TNC: variants seen among roughly 807,000 people sequenced by gnomAD.
TNC encodes the protein tenascin.
TNC carries 109 observed loss-of-function variants against 202.4 expected under a neutral mutation model. The ratio of observed to expected loss-of-function variants is 0.54; its 90% CI spans 0.46 to 0.63. TNC has a LOEUF of 0.63. Among genes scored for constraint, TNC ranks in the 30% least tolerant of loss-of-function variants. The pLI is 0.00. For missense variants in TNC, 2,756 were observed against 2,833.3 expected, an observed-to-expected ratio of 0.97 and a Z score of 0.62; for synonymous variants, 1,007 against 1,089.7, an observed-to-expected ratio of 0.92 and a Z score of 1.50.
chr9:115,026,936 C>G (rs2131565618), intron 25 of TNC, among the ~76,000 whole-genome samples: 1 of 152,098 alleles, frequency 6.6e-6, no homozygotes, highest in Non-Finnish European at 1.5e-5. Flanking sequence ...TGGCGAAACC[C>G]TGTCTCTACT....
chr9:115,076,221 A>T, intron 8 of TNC, 100 bp from the exon 9 acceptor site: 1 of 1,427,402 alleles, frequency 7.0e-7, no homozygotes, highest in Non-Finnish European at 9.9e-7. Flanking sequence ...GGCTACAACA[A>T]ATTTTCGGAA....
At position 115,064,714 on chromosome 9, in the gene TNC, A is replaced by C; in HGVS notation, c.3420T>G (p.Tyr1140Ter). The change falls in exon 11 of 28, where the codon TAT becomes TAG. Residue 1140 changes from tyrosine to a stop codon, truncating the protein, a stop_gained. Coordinates refer to ENST00000350763, the MANE Select transcript of TNC (RefSeq NM_002160.4). LOFTEE classifies it high-confidence loss of function. ...DIPGLKAATP[Y>*]TVSIYGVIQG... ...GGATCACCCCATAGATGGAGACTGT[A>C]TAAGGCGTAGCAGCCTTGAGGCCCG... The C allele has an allele frequency of 6.2e-7, 1 of 1,614,246 alleles. No homozygotes were observed. Among genetic ancestry groups the C allele is most frequent in the Non-Finnish European group, 8.5e-7 (1 of 1,180,040 alleles).
rs1448040351 is a variant in TNC at position 115,064,054 on chromosome 9, A to T, written c.3502T>A (p.Leu1168Met). 3 of 1,606,156 alleles carry T rather than the reference A, an allele frequency of 1.9e-6. No homozygotes were observed. The African/African-American group carries it at 4.0e-5, about 21-fold the overall frequency. Residue 1168 changes from leucine to methionine, a missense_variant, in exon 12 of 28, where the codon TTG becomes ATG. Around this residue, in one of 2 missense-constraint regions of TNC, gnomAD observed 2,559 missense variants for 2,546.0 expected, o/e 1.01. Transcript: ENST00000350763. The part of the protein sequence containing the change: ...AEASTGETPN[L>M]GEVVVAEVGW... ...ACCTCGGCCACCACGACCTCTCCCAAATTGGGAGTTTCCCCTGGAGAAGGA... is the reference window on the plus strand; with the variant it reads ...ACCTCGGCCACCACGACCTCTCCCATATTGGGAGTTTCCCCTGGAGAAGGA...
intron 10 of TNC, among the ~76,000 whole-genome samples, chr9:115,065,608 C>T (rs547445297): frequency 1.1e-4 from 17 of 152,052 alleles, no homozygotes; most frequent in East Asian, 7.8e-4. Flanking sequence ...TTGAGCTGTC[C>T]GACCTTCTGT....
chr9:115,113,626 G>T (rs1177159993), intron 1 of TNC, among the ~76,000 whole-genome samples: 1 of 152,138 alleles, frequency 6.6e-6, no homozygotes, highest in Non-Finnish European at 1.5e-5. Context: ...TTGGTATAGG[G>T]TATTTGAGGA....
At position 115,084,224 on chromosome 9, in the gene TNC, C is replaced by A. The variant is rs201625385; in HGVS notation, c.2116G>T (p.Ala706Ser). Residue 706 changes from alanine to serine, a missense_variant, in exon 4 of 28, where the codon GCC (alanine) becomes TCC (serine). Ala to Ser is a moderately conservative substitution (Grantham distance 99). Around this residue, in one of 2 missense-constraint regions of TNC, gnomAD observed 2,559 missense variants for 2,546.0 expected, o/e 1.01. Transcript: ENST00000350763. ...LENKKSIPVS[A>S]RVATYLPAPE... ...GCTCACTCACACGTGGCCACCCTGG[C>A]GCTGACAGGAATGCTCTTCTTGTTC... is the stretch of plus-strand genomic sequence containing the variant. 5 of 1,613,938 alleles carry A rather than the reference C, an allele frequency of 3.1e-6. No individual in the cohort carries two copies. Among genetic ancestry groups the A allele is most frequent in the Admixed American group, 1.7e-5 (1 of 60,018 alleles).
intron 1 of TNC, 125 bp downstream of exon 1, chr9:115,117,857 C>G (rs1444904223): frequency 6.8e-6 from 1 of 148,010 alleles, no homozygotes; most frequent in Non-Finnish European, 1.5e-5. Flanking sequence ...CCTTTTTTTT[C>G]CAGCGGTGGA....
chr9:115,097,135 G>T lies in TNC; in HGVS notation c.-136-5981C>A, dbSNP rs545602530. The stretch of plus-strand genomic sequence containing the variant: ...CAGTTGCGTGTGGGGGAAAGAGTCT[G>T]GTCTTTGGTGTAAAATAAACCTGTG... On this transcript the variant is annotated intron_variant, in intron 1 of 27. Transcript: ENST00000350763. Among the ~76,000 whole-genome samples the T allele has an allele frequency of 2.0e-5, 3 of 152,084 alleles. No homozygotes were observed. The East Asian group carries it at 5.8e-4, about 29-fold the overall frequency.
At chr9:115,036,381 TGA>T in intron 20 of TNC, 140 bp from the exon 21 acceptor site, 1 of 898,052 alleles carries the variant, frequency 1.1e-6, no homozygotes, top group Non-Finnish European at 1.7e-6. Flanking sequence ...ATTTCTGAAA[TGA>T]CTCACGCTCT....
chr9:115,075,278 G>A (rs1041920962), intron 9 of TNC, among the ~76,000 whole-genome samples: 5 of 152,092 alleles, frequency 3.3e-5, no homozygotes, highest in East Asian at 1.9e-4. Context: ...TACAAGCTGC[G>A]GCTACAGGAT....
At position 115,049,377 on chromosome 9, in the gene TNC, T is replaced by G. The variant is rs1831469735; in HGVS notation, c.4580-845A>C. Among the ~76,000 whole-genome samples the G allele has an allele frequency of 1.3e-5, 2 of 152,134 alleles. 1 individual carries two copies. The highest frequency in any genetic ancestry group is 4.1e-4 in the South Asian group (2 of 4,826). ...ACAAGGCTTCACATTGTTATCCTAG[T>G]TAGTCTTCAAAATGATACAGTAAGG... On this transcript the variant is annotated intron_variant, in intron 15 of 27. Coordinates refer to ENST00000350763, the MANE Select transcript of TNC (RefSeq NM_002160.4).
At chr9:115,036,056 C>A in intron 21 of TNC, 42 bp downstream of exon 21, 1 of 1,608,326 alleles carries the variant, frequency 6.2e-7, no homozygotes, top group South Asian at 1.1e-5. Flanking sequence ...TGTGGGTGGG[C>A]ACCCCAGAAG....
chr9:115,057,593 A>G (rs1832235254), intron 14 of TNC, among the ~76,000 whole-genome samples, 168 bp from the exon 15 acceptor site: 1 of 152,272 alleles, frequency 6.6e-6, no homozygotes, highest in Non-Finnish European at 1.5e-5. Flanking sequence ...AAAGGGAGAG[A>G]AAAAGCAGTT....
At chr9:115,044,210 A>C (rs534819288) in intron 17 of TNC, among the ~76,000 whole-genome samples, 2 of 151,886 alleles carry the variant, frequency 1.3e-5, no homozygotes, top group East Asian at 1.9e-4. Flanking sequence ...AGGACATTAC[A>C]GAGAAGAGTT....
intron 1 of TNC, among the ~76,000 whole-genome samples, chr9:115,111,385 TTC>T (rs766678704): frequency 2.2e-5 from 3 of 135,848 alleles, no homozygotes; most frequent in South Asian, 2.5e-4. Context: ...CTTATAGACT[TTC>T]TCTCTCTCTC....
rs1213489094 is a variant in TNC, at chr9:115,086,346, C to T, written c.1385G>A (p.Gly462Asp). Residue 462 changes from glycine (G) to aspartate (D), a missense_variant, in exon 3 of 28, where the codon GGC becomes GAC. Transcript: ENST00000350763. Reference protein sequence around the residue: ...GKCVCEQGFKGYDCSDMSCPN... With the variant: ...GKCVCEQGFKDYDCSDMSCPN... ...GCAGCTCATGTCACTGCAGTCATAG[C>T]CCTTGAAGCCTTGCTCACATACACA... 6.2e-7 allele frequency: 1 copy of T among 1,614,198 alleles called. No homozygotes were observed. Among genetic ancestry groups the T allele is most frequent in the Non-Finnish European group, 8.5e-7 (1 of 1,180,028 alleles).
chr9:115,064,828 C>T lies in TNC; in HGVS notation c.3306G>A (p.Glu1102=), dbSNP rs1330986219. Residue 1102 remains glutamate (E), a synonymous_variant, in exon 11 of 28, where the codon GAG becomes GAA. Coordinates refer to ENST00000350763, the MANE Select transcript of TNC (RefSeq NM_002160.4). ...CCTCCTGCACCTGAATGATAAAGTG[C>T]TCATAGGCCTGGTCAGCTGCGGTCC... The part of the protein sequence containing the change: ...LNWTAADQAY[E]HFIIQVQEAN... 8.1e-6 allele frequency: 13 copies of T among 1,614,070 alleles called. No individual in the cohort carries two copies. The highest frequency in any genetic ancestry group is 1.1e-5 in the Non-Finnish European group (13 of 1,180,040).
At chr9:115,042,159 T>C in intron 18 of TNC, 60 bp downstream of exon 18, 1 of 1,561,522 alleles carries the variant, frequency 6.4e-7, no homozygotes, top group Non-Finnish European at 8.7e-7. Context: ...AGGGTCTTTT[T>C]CATGAATCCA....
At chr9:115,036,390 C>T in intron 20 of TNC, 149 bp from the exon 21 acceptor site, 1 of 818,036 alleles carries the variant, frequency 1.2e-6, no homozygotes, top group South Asian at 1.7e-5. Context: ...ATGACTCACG[C>T]TCTCTTTCTC....
Sources: gnomAD v4.1 joint callset for allele counts (sites outside exome capture counted in the v4.1 genomes callset) on GRCh38, gnomAD v4.1.1 for gene constraint, gnomAD v4.1.1 regional missense constraint, MANE v1.5 for transcripts, NCBI Gene and HGNC (gene_info 2026-07-23, HGNC 2026-07-21) for gene names.